ZNF440: variants seen among roughly 807,000 people sequenced by gnomAD.
ZNF440 encodes the protein zinc finger protein 440.
In ZNF440, 47 loss-of-function variants were observed where a neutral mutation model predicts 49.7. The ratio of observed to expected loss-of-function variants is 0.95; its 90% CI spans 0.75 to 1.21. The LOEUF (loss-of-function observed/expected upper bound fraction) is 1.21. Ranked by LOEUF, ZNF440 falls within the 50% of genes most tolerant of loss-of-function variation. The pLI is 0.00. For missense variants in ZNF440, 703 were observed against 715.0 expected (o/e 0.98, Z 0.19); for synonymous variants, 255 against 237.7 (o/e 1.07, Z -0.67).
In ZNF440 at chr19:11,827,924, A is replaced by G. The variant is rs374221735; in HGVS notation, c.4-2359A>G. Among the ~76,000 whole-genome samples, 9 of 152,052 alleles carry G rather than the reference A, an allele frequency of 5.9e-5. 1 individual carries two copies. The East Asian group carries it at 7.8e-4, about 13-fold the overall frequency. Reference sequence around the variant, plus strand: ...TTATAGTAGATTTTTCTGTGTTCCTAGTGCCTCTCTTGTCATCTTATGGAA... The same window carrying G: ...TTATAGTAGATTTTTCTGTGTTCCTGGTGCCTCTCTTGTCATCTTATGGAA... On this transcript the variant is annotated intron_variant, in intron 1 of 3. Transcript: ENST00000304060.
rs1975921033 is a variant in ZNF440, at chr19:11,830,397, C to T, written c.118C>T (p.Leu40=). 19 of 1,614,116 alleles carry T rather than the reference C, an allele frequency of 1.2e-5. No individual in the cohort carries two copies. The highest frequency in any genetic ancestry group is 1.6e-5 in the Non-Finnish European group (19 of 1,179,998). Residue 40 remains leucine (L), a synonymous_variant, in exon 2 of 4, where the codon CTG becomes TTG. Transcript: ENST00000304060. ...AGTGATGCTGGAAACTTTCAGGAACCTGACCTCTTTAGGTAAGGATGACAA... is the reference window on the plus strand; with the variant it reads ...AGTGATGCTGGAAACTTTCAGGAACTTGACCTCTTTAGGTAAGGATGACAA... ...REVMLETFRN[L]TSLGKRWKDQ... is the part of the protein sequence containing the mutation.
chr19:11,818,473 T>C (rs189522123), intron 1 of ZNF440, among the ~76,000 whole-genome samples: 96 of 152,292 alleles, frequency 6.3e-4, no homozygotes, highest in Middle Eastern at 6.8e-3. Flanking sequence ...CTAACACTTA[T>C]ATAGGCGAAA....
chr19:11,826,719 A>T (rs1040703521), intron 1 of ZNF440, among the ~76,000 whole-genome samples: 10 of 150,008 alleles, frequency 6.7e-5, no homozygotes, highest in Admixed American at 2.0e-4. Flanking sequence ...ACCGGAGTAC[A>T]ATGGTGCGAT....
intron 1 of ZNF440, among the ~76,000 whole-genome samples, chr19:11,817,984 C>T (rs759769015): frequency 4.6e-5 from 7 of 151,920 alleles, no homozygotes; most frequent in Non-Finnish European, 8.8e-5. Context: ...CCGAGGTGGG[C>T]GGATCACTTG....
chr19:11,825,098 G>T (rs959073918), intron 1 of ZNF440, among the ~76,000 whole-genome samples: 1 of 151,930 alleles, frequency 6.6e-6, no homozygotes, highest in South Asian at 2.1e-4. Flanking sequence ...CAGCAGGACA[G>T]CTTGGACTCG....
intron 3 of ZNF440, among the ~76,000 whole-genome samples, chr19:11,830,992 T>A (rs1449090046): frequency 6.6e-6 from 1 of 152,130 alleles, no homozygotes; most frequent in African/African-American, 2.4e-5. Context: ...TCCCAGCTAC[T>A]CAGGAGGCTG....
At chr19:11,818,033 T>C (rs1017654475) in intron 1 of ZNF440, among the ~76,000 whole-genome samples, 5 of 152,086 alleles carry the variant, frequency 3.3e-5, no homozygotes, top group Non-Finnish European at 7.4e-5. Flanking sequence ...AAACCCTGTC[T>C]GTACTAAAAA....
At chr19:11,823,145 A>G (rs1319735058) in intron 1 of ZNF440, among the ~76,000 whole-genome samples, 1 of 152,126 alleles carries the variant, frequency 6.6e-6, no homozygotes. Flanking sequence ...GCAGATGGTC[A>G]TCTTCTTGTG....
At chr19:11,815,145 C>T (rs1226097815) in intron 1 of ZNF440, among the ~76,000 whole-genome samples, 5 of 151,878 alleles carry the variant, frequency 3.3e-5, no homozygotes, top group South Asian at 2.1e-4. Context: ...GGTATGGTGG[C>T]GGGCGCCTGT....
intron 1 of ZNF440, 127 bp from the exon 2 acceptor site, chr19:11,830,156 C>A: frequency 6.6e-7 from 1 of 1,514,362 alleles, no homozygotes; most frequent in Non-Finnish European, 8.8e-7. Flanking sequence ...AGAAAGAGAT[C>A]TGATGACCAA....
chr19:11,822,941 T>C (rs1975817297), intron 1 of ZNF440, among the ~76,000 whole-genome samples: 1 of 152,156 alleles, frequency 6.6e-6, no homozygotes, highest in South Asian at 2.1e-4. Flanking sequence ...TTAATTAGTA[T>C]AGCATTCAAA....
At position 11,831,681 on chromosome 19, in the gene ZNF440, G is replaced by A. The variant is rs749288817; in HGVS notation, c.505G>A (p.Glu169Lys). ...AACACAAGAAAGGGATCACACTGGA[G>A]AGAAACCCAATGCTTGTAAAGTATG... ...FRTQERDHTG[E>K]KPNACKVCGK... Residue 169 changes from glutamate (E) to lysine (K), a missense_variant, in exon 4 of 4, where the codon GAG becomes AAG. Physicochemically the swap from Glu to Lys is moderately conservative, Grantham distance 56. Transcript: ENST00000304060. 1.9e-5 allele frequency: 30 copies of A among 1,614,048 alleles called. No individual in the cohort carries two copies. The Middle Eastern group carries it at 4.9e-4, about 27-fold the overall frequency.
chr19:11,816,582 T>G (rs1168152717), intron 1 of ZNF440: 1 of 152,260 alleles, frequency 6.6e-6, no homozygotes, highest in Non-Finnish European at 1.5e-5. Flanking sequence ...CAGGGTTTTT[T>G]GGGGGTTCCC....
chr19:11,834,698 T>G lies in ZNF440; in HGVS notation c.*1734T>G, dbSNP rs1975996998. The G allele has an allele frequency of 6.6e-6, 1 of 152,254 alleles. No homozygotes were observed. The highest frequency in any genetic ancestry group is 1.5e-5 in the Non-Finnish European group (1 of 68,052). 9.4% of individuals were successfully genotyped at this position (152,254 alleles called of 1,614,324 possible). A position where few individuals can be genotyped will look rare whatever the true frequency, so the allele number is the denominator to read the frequency against. ...AAATATAGTTACAAAATGCCCTTGT[T>G]TTTGTCCTGATTCATCATGGTCACT... On this transcript the variant is annotated 3_prime_UTR_variant, in exon 4 of 4. Coordinates refer to ENST00000304060, the MANE Select transcript of ZNF440 (RefSeq NM_152357.3).
chr19:11,828,791 T>G (rs543639431), intron 1 of ZNF440, among the ~76,000 whole-genome samples: 1 of 151,910 alleles, frequency 6.6e-6, no homozygotes, highest in East Asian at 1.9e-4. Flanking sequence ...TTCAAGCAAT[T>G]CTCCTGCCTC....
chr19:11,815,910 CG>C (rs1975727743), intron 1 of ZNF440: 1 of 152,158 alleles, frequency 6.6e-6, no homozygotes, highest in Non-Finnish European at 1.5e-5. Context: ...ACAACAACAA[CG>C]ATTCACGAAT....
intron 1 of ZNF440, among the ~76,000 whole-genome samples, chr19:11,825,932 C>T (rs1210944389): frequency 6.6e-6 from 1 of 151,542 alleles, no homozygotes; most frequent in African/African-American, 2.4e-5. Context: ...TCTCCTGCCT[C>T]TGCCTCCCGA....
chr19:11,823,315 A>G (rs10402456), intron 1 of ZNF440, among the ~76,000 whole-genome samples: 3,948 of 152,216 alleles, frequency 0.026, 56 homozygotes, highest in African/African-American at 0.031. Context: ...GGTTATTAAT[A>G]TGTGATTTTT....
rs1358751113 is a variant in ZNF440 at position 11,830,645 on chromosome 19, A to G, written c.159A>G (p.Glu53=). The G allele has an allele frequency of 6.2e-7, 1 of 1,614,084 alleles. No homozygotes were observed. Among genetic ancestry groups the G allele is most frequent in the Admixed American group, 1.7e-5 (1 of 60,030 alleles). Reference sequence around the variant, plus strand: ...AAAGGTGGAAAGACCAGAACATTGAATATGAGCACCAAAACCCCAGGAGAA... The same window carrying G: ...AAAGGTGGAAAGACCAGAACATTGAGTATGAGCACCAAAACCCCAGGAGAA... ...LGKRWKDQNI[E]YEHQNPRRNF... The change falls in exon 3 of 4, where the codon GAA becomes GAG. Residue 53 remains glutamate (E), a synonymous_variant. Transcript: ENST00000304060.
Sources: gnomAD v4.1 joint callset for allele counts (sites outside exome capture counted in the v4.1 genomes callset) on GRCh38, gnomAD v4.1.1 for gene constraint, MANE v1.5 for transcripts, NCBI Gene and HGNC (gene_info 2026-07-23, HGNC 2026-07-21) for gene names.